Variants in PRKN observed in about 807,000 individuals in gnomAD.
PRKN encodes the protein E3 ubiquitin-protein ligase parkin.
Under a neutral mutation model 59.5 loss-of-function variants are expected in PRKN, and 56 were observed. The observed-to-expected ratio is 0.94, with a 90% CI of 0.76 to 1.18. The LOEUF (loss-of-function observed/expected upper bound fraction) is 1.18. Ranked by LOEUF, PRKN falls within the 50% of genes most tolerant of loss-of-function variation. PRKN has a pLI of 0.00. For missense variants in PRKN, 657 were observed against 596.4 expected (o/e 1.10, Z -1.06); for synonymous variants, 250 against 222.1 (o/e 1.13, Z -1.12).
chr6:162,625,332 CT>C (rs1269435453), intron 1 of PRKN, among the ~76,000 whole-genome samples: 2 of 152,192 alleles, frequency 1.3e-5, no homozygotes, highest in African/African-American at 4.8e-5. Context: ...AAAGTGAGGA[CT>C]GATGTCTATC....
At chr6:162,672,012 T>G (rs1779342632) in intron 1 of PRKN, among the ~76,000 whole-genome samples, 2 of 151,728 alleles carry the variant, frequency 1.3e-5, no homozygotes. Flanking sequence ...GCCCATGAAG[T>G]AAAGTGAAGA....
chr6:161,634,709 T>C (rs1404335339), intron 7 of PRKN, among the ~76,000 whole-genome samples: 2 of 152,198 alleles, frequency 1.3e-5, no homozygotes, highest in Non-Finnish European at 2.9e-5. Flanking sequence ...TGCTCTGTCT[T>C]GGGCCTCACC....
intron 6 of PRKN, among the ~76,000 whole-genome samples, chr6:161,887,468 A>T (rs1795195967): frequency 6.6e-6 from 1 of 152,152 alleles, no homozygotes; most frequent in Non-Finnish European, 1.5e-5. Flanking sequence ...ACAGAATTTC[A>T]CTCCTTAATT....
At chr6:162,180,161 G>A (rs998053217) in intron 4 of PRKN, among the ~76,000 whole-genome samples, 60 of 152,080 alleles carry the variant, frequency 3.9e-4, no homozygotes, top group African/African-American at 1.4e-3. Flanking sequence ...GCTGCACTGA[G>A]GAAGTGACAA....
chr6:162,493,563 GAGA>G (rs1395549830), intron 1 of PRKN, among the ~76,000 whole-genome samples: 3 of 152,176 alleles, frequency 2.0e-5, no homozygotes, highest in Non-Finnish European at 4.4e-5. Context: ...ATATTTCAAA[GAGA>G]AGAATAATCA....
intron 1 of PRKN, among the ~76,000 whole-genome samples, chr6:162,545,566 C>T (rs551295260): frequency 1.6e-4 from 25 of 152,062 alleles, no homozygotes; most frequent in African/African-American, 5.3e-4. Context: ...CTTGATACAG[C>T]GGTCATATTA....
In PRKN at chr6:161,576,760, G is replaced by A. The variant is rs1242273833; in HGVS notation, c.872-7344C>T. On this transcript the variant is annotated intron_variant, in intron 7 of 11. Transcript: ENST00000366898. The surrounding 1 kb of genome is among the most constrained non-coding windows in gnomAD (Gnocchi z 4.6). ...AGTATAAAGGGCAGGGTTGGCTAACGTAAAAGTAAGTGTTCATTTCTTATT... is the reference window on the plus strand; with the variant it reads ...AGTATAAAGGGCAGGGTTGGCTAACATAAAAGTAAGTGTTCATTTCTTATT... Among the ~76,000 whole-genome samples the A allele has an allele frequency of 2.0e-5, 3 of 152,198 alleles. No homozygotes were observed. Among genetic ancestry groups the A allele is most frequent in the Non-Finnish European group, 2.9e-5 (2 of 68,014 alleles).
chr6:161,498,209 G>C lies in PRKN; in HGVS notation c.1083+50645C>G, dbSNP rs1401252359. Among the ~76,000 whole-genome samples, 1 of 152,152 alleles carries C rather than the reference G, an allele frequency of 6.6e-6. No individual in the cohort carries two copies. The highest frequency in any genetic ancestry group is 2.4e-5 in the African/African-American group (1 of 41,426). ...GCTGATAGAAACCTCTGCTCACCAA[G>C]GGGATTTTTATTCAGGCTGCAAATC... On this transcript the variant is annotated intron_variant, in intron 9 of 11. Coordinates refer to ENST00000366898, the MANE Select transcript of PRKN (RefSeq NM_004562.3). This position sits in a 1 kb window ranked among gnomAD's most constrained non-coding sequence, Gnocchi z 4.2.
chr6:161,853,292 G>A (rs1793511437), intron 6 of PRKN, among the ~76,000 whole-genome samples: 1 of 152,160 alleles, frequency 6.6e-6, no homozygotes, highest in South Asian at 2.1e-4. Context: ...TTTAGGGGAT[G>A]TAGTTTTCTG....
intron 2 of PRKN, among the ~76,000 whole-genome samples, chr6:162,292,064 A>T (rs1236019362): frequency 6.6e-6 from 1 of 151,252 alleles, no homozygotes; most frequent in Admixed American, 6.6e-5. Flanking sequence ...CCCACATTCA[A>T]GCGATTCTCC....
At chr6:161,836,975 G>C (rs897639272) in intron 6 of PRKN, among the ~76,000 whole-genome samples, 1 of 152,118 alleles carries the variant, frequency 6.6e-6, no homozygotes, top group Non-Finnish European at 1.5e-5. Context: ...TATGCCTCTC[G>C]TTTTCGCTCC....
intron 7 of PRKN, among the ~76,000 whole-genome samples, chr6:161,733,229 A>T (rs1787796321): frequency 6.6e-6 from 1 of 152,190 alleles, no homozygotes. Context: ...CTTAAAACTG[A>T]TGGGAAAGTC....
At chr6:162,323,013 T>C (rs928357164) in intron 2 of PRKN, among the ~76,000 whole-genome samples, 1 of 139,458 alleles carries the variant, frequency 7.2e-6, no homozygotes, top group South Asian at 2.2e-4. Flanking sequence ...TAGGTGGGAA[T>C]TGAACAATGA....
At chr6:161,516,463 C>T (rs1167372312) in intron 9 of PRKN, among the ~76,000 whole-genome samples, 1 of 59,742 alleles carries the variant, frequency 1.7e-5, no homozygotes, top group Non-Finnish European at 2.9e-5. Context: ...AGTGAGGCTC[C>T]TTCTAAAAAA....
chr6:161,874,480 AATATATATTATATGTAAAAT>A (rs1794571255), intron 6 of PRKN, among the ~76,000 whole-genome samples: 1 of 88,010 alleles, frequency 1.1e-5, no homozygotes, highest in South Asian at 3.6e-4. Context: ...TTATATGTAA[AATATATATTATATGTAAAAT>A]ATATTATATG....
At chr6:162,045,513 C>T (rs755838089) in intron 5 of PRKN, among the ~76,000 whole-genome samples, 4 of 152,208 alleles carry the variant, frequency 2.6e-5, no homozygotes, top group Non-Finnish European at 4.4e-5. Flanking sequence ...TACGTGACAT[C>T]GTCTCAGTTG....
intron 4 of PRKN, among the ~76,000 whole-genome samples, chr6:162,127,795 CCA>C (rs1781180873): frequency 6.6e-6 from 1 of 152,118 alleles, no homozygotes; most frequent in African/African-American, 2.4e-5. Context: ...CTTATGAATC[CCA>C]TAATCCTTGA....
intron 1 of PRKN, among the ~76,000 whole-genome samples, chr6:162,722,416 AATC>A (rs1347581562): frequency 6.6e-6 from 1 of 152,206 alleles, no homozygotes; most frequent in African/African-American, 2.4e-5. Flanking sequence ...CTGCAACATA[AATC>A]AGCCGACTGT....
intron 1 of PRKN, among the ~76,000 whole-genome samples, chr6:162,633,746 G>T (rs1777605517): frequency 6.6e-6 from 1 of 152,002 alleles, no homozygotes; most frequent in African/African-American, 2.4e-5. Flanking sequence ...CATGAGGTGG[G>T]GGAGGAAGGG....
Sources: gnomAD v4.1 joint callset for allele counts (sites outside exome capture counted in the v4.1 genomes callset) on GRCh38, gnomAD v4.1.1 for gene constraint, Gnocchi (gnomAD v3.1) non-coding constraint, MANE v1.5 for transcripts, NCBI Gene and HGNC (gene_info 2026-07-23, HGNC 2026-07-21) for gene names.